ST8SIA6: variants seen among roughly 807,000 people sequenced by gnomAD.
The protein encoded by ST8SIA6 is alpha-2,8-sialyltransferase 8F.
ST8SIA6 carries 39 observed loss-of-function variants against 33.6 expected under a neutral mutation model. The observed-to-expected ratio is 1.16, with a 90% confidence interval of 0.90 to 1.52. The LOEUF is 1.52. Ranked by LOEUF, ST8SIA6 falls within the 40% of genes most tolerant of loss-of-function variation. The probability of loss-of-function intolerance (pLI) is 0.00; values close to 1 mark genes in which losing one functional copy is unlikely to be tolerated. For missense variants in ST8SIA6, 441 were observed against 443.8 expected, an observed-to-expected ratio of 0.99 and a Z score of 0.06; for synonymous variants, 172 against 167.2, an observed-to-expected ratio of 1.03 and a Z score of -0.22.
intron 3 of ST8SIA6, among the ~76,000 whole-genome samples, chr10:17,362,000 C>T (rs1311198568): frequency 6.6e-6 from 1 of 152,060 alleles, no homozygotes; most frequent in Non-Finnish European, 1.5e-5. Context: ...AGAATTTCCA[C>T]AATTTGATAA....
chr10:17,319,154 T>C lies in ST8SIA6; in HGVS notation c.*1724A>G, dbSNP rs1444583493. On this transcript the variant is annotated 3_prime_UTR_variant, in exon 8 of 8. Coordinates refer to ENST00000377602, the MANE Select transcript of ST8SIA6 (RefSeq NM_001004470.3). Reference sequence around the variant, plus strand: ...GTGTCACAATGAATGTGTCTAAATATGACAGATTATGGATATCGATAATAC... The same window carrying C: ...GTGTCACAATGAATGTGTCTAAATACGACAGATTATGGATATCGATAATAC... Among the ~76,000 whole-genome samples the C allele has an allele frequency of 4.6e-5, 7 of 152,202 alleles. No individual in the cohort carries two copies. Among genetic ancestry groups the C allele is most frequent in the Non-Finnish European group, 2.9e-5 (2 of 68,036 alleles).
intron 3 of ST8SIA6, among the ~76,000 whole-genome samples, chr10:17,375,965 C>T (rs894554617): frequency 6.6e-6 from 1 of 152,208 alleles, no homozygotes; most frequent in Non-Finnish European, 1.5e-5. Context: ...GGCAGAGACG[C>T]CTGGCGGATT....
At position 17,371,803 on chromosome 10, in the gene ST8SIA6, AG is replaced by A. The variant is rs1382218312; in HGVS notation, c.291-12204del. ...TCCATTAAAAAAAAAAAAAAAAAAA[AG>A]AAAGAAAGTAAAAAATGAGAAGGGA... On this transcript the variant is annotated intron_variant, in intron 3 of 7. Transcript: ENST00000377602. Among the ~76,000 whole-genome samples, 623 of 140,792 alleles carry A rather than the reference AG, an allele frequency of 4.4e-3. 15 individuals carry two copies. The highest frequency in any genetic ancestry group is 0.026 in the East Asian group (122 of 4,612). The allele number at this position is 140,792 out of a possible 152,430, so 92.4% of individuals were successfully genotyped here.
chr10:17,426,322 G>A (rs757164520), intron 2 of ST8SIA6, among the ~76,000 whole-genome samples: 2 of 152,120 alleles, frequency 1.3e-5, no homozygotes, highest in Non-Finnish European at 2.9e-5. Flanking sequence ...TACCAATGGG[G>A]TGACTAGGAG....
intron 2 of ST8SIA6, among the ~76,000 whole-genome samples, chr10:17,405,528 T>C (rs1851224322): frequency 6.7e-6 from 1 of 149,822 alleles, no homozygotes; most frequent in Admixed American, 6.7e-5. Context: ...GAGGATAAAC[T>C]TTAAAGGCAA....
In ST8SIA6 at chr10:17,320,746, G is replaced by T; in HGVS notation, c.*132C>A. Reference sequence around the variant, plus strand: ...ACTTGCCATCATTGCAAAATGAGTGGGGAAGCTTTGGTCAAACCAAATTTT... The same window carrying T: ...ACTTGCCATCATTGCAAAATGAGTGTGGAAGCTTTGGTCAAACCAAATTTT... On this transcript the variant is annotated 3_prime_UTR_variant, in exon 8 of 8. Transcript: ENST00000377602. 2 of 776,902 alleles carry T rather than the reference G, an allele frequency of 2.6e-6. No homozygotes were observed. Among genetic ancestry groups the T allele is most frequent in the East Asian group, 2.7e-5 (1 of 37,708 alleles). The allele number at this position is 776,902 out of a possible 1,614,324, so 48.1% of individuals were successfully genotyped here.
chr10:17,443,898 GA>G (rs1231496639), intron 2 of ST8SIA6, among the ~76,000 whole-genome samples: 1 of 152,204 alleles, frequency 6.6e-6, no homozygotes, highest in African/African-American at 2.4e-5. Flanking sequence ...AGAGATTACA[GA>G]ACCCTCGCAC....
chr10:17,394,419 A>G (rs890521420), intron 2 of ST8SIA6, among the ~76,000 whole-genome samples: 4 of 151,958 alleles, frequency 2.6e-5, no homozygotes, highest in Non-Finnish European at 5.9e-5. Context: ...GATGTATATA[A>G]AAACACCTGA....
At chr10:17,449,654 T>C (rs1399896847) in intron 2 of ST8SIA6, among the ~76,000 whole-genome samples, 1 of 152,194 alleles carries the variant, frequency 6.6e-6, no homozygotes, top group African/African-American at 2.4e-5. Context: ...CACAGCTCCT[T>C]GAATTTCCCC....
chr10:17,447,871 G>A (rs111405829), intron 2 of ST8SIA6, among the ~76,000 whole-genome samples: 3,227 of 152,200 alleles, frequency 0.021, 39 homozygotes, highest in African/African-American at 0.032. Context: ...ATAGAGTGCA[G>A]TGGAGCGATC....
At chr10:17,340,996 A>G (rs1396512012) in intron 4 of ST8SIA6, among the ~76,000 whole-genome samples, 1 of 152,208 alleles carries the variant, frequency 6.6e-6, no homozygotes, top group Non-Finnish European at 1.5e-5. Flanking sequence ...TACGGGAGGC[A>G]AGGCCCAGAG....
chr10:17,372,576 T>C (rs11254559), intron 3 of ST8SIA6, among the ~76,000 whole-genome samples: 27,535 of 152,174 alleles, frequency 0.18, 2,644 homozygotes, highest in South Asian at 0.22. Context: ...TATACATACA[T>C]TTAAATTACC....
chr10:17,324,364 C>A (rs1848055703), intron 6 of ST8SIA6, among the ~76,000 whole-genome samples: 1 of 151,984 alleles, frequency 6.6e-6, no homozygotes, highest in Non-Finnish European at 1.5e-5. Context: ...ATAAATACGG[C>A]ACCTTGGTAA....
chr10:17,344,268 C>T (rs779699197), intron 4 of ST8SIA6, among the ~76,000 whole-genome samples: 2 of 152,188 alleles, frequency 1.3e-5, no homozygotes, highest in East Asian at 3.8e-4. Flanking sequence ...TAAGATTTCA[C>T]GCTGCTAATA....
intron 4 of ST8SIA6, among the ~76,000 whole-genome samples, chr10:17,334,551 AAT>A (rs1436256715): frequency 2.7e-4 from 38 of 142,776 alleles, no homozygotes; most frequent in African/African-American, 9.4e-4. Context: ...AAAAAAAAAA[AAT>A]TATTATTATT....
At chr10:17,405,234 G>A (rs1851212160) in intron 2 of ST8SIA6, among the ~76,000 whole-genome samples, 1 of 152,026 alleles carries the variant, frequency 6.6e-6, no homozygotes, top group South Asian at 2.1e-4. Flanking sequence ...AGCCAGGCAT[G>A]GTAGTACCTG....
At chr10:17,410,792 A>G (rs1181536122) in intron 2 of ST8SIA6, among the ~76,000 whole-genome samples, 26 of 152,350 alleles carry the variant, frequency 1.7e-4, no homozygotes, top group Non-Finnish European at 5.9e-5. Flanking sequence ...TCAGCTAATT[A>G]TAAGATTTAA....
chr10:17,415,013 T>C (rs1283392796), intron 2 of ST8SIA6, among the ~76,000 whole-genome samples: 1 of 152,072 alleles, frequency 6.6e-6, no homozygotes, highest in African/African-American at 2.4e-5. Flanking sequence ...CTCTTCCTTC[T>C]CTTACATAAC....
intron 4 of ST8SIA6, among the ~76,000 whole-genome samples, chr10:17,335,954 T>C (rs536231103): frequency 1.4e-5 from 2 of 138,420 alleles, no homozygotes; most frequent in South Asian, 4.7e-4. Flanking sequence ...ATAGAGTTTT[T>C]GCTGAATTTT....
Sources: gnomAD v4.1 joint callset for allele counts (sites outside exome capture counted in the v4.1 genomes callset) on GRCh38, gnomAD v4.1.1 for gene constraint, MANE v1.5 for transcripts, NCBI Gene and HGNC (gene_info 2026-07-23, HGNC 2026-07-21) for gene names.